CACNA2D3: variants seen among roughly 807,000 people sequenced by gnomAD.
The protein encoded by CACNA2D3 is calcium voltage-gated channel auxiliary subunit alpha2delta 3, also known as voltage-dependent calcium channel subunit alpha-2/delta-3.
Under a neutral mutation model 160.6 loss-of-function variants are expected in CACNA2D3, and 60 were observed. The ratio of observed to expected loss-of-function variants is 0.37; its 90% CI spans 0.30 to 0.46. The LOEUF (loss-of-function observed/expected upper bound fraction) is 0.46. Ranked by LOEUF, CACNA2D3 falls within the 20% of genes least tolerant of loss-of-function variation. The pLI is 1.00. For synonymous variants in CACNA2D3, 558 were observed against 492.9 expected (o/e 1.13, Z -1.75); for missense variants, 1,205 against 1,365.0 (o/e 0.88, Z 1.85).
intron 31 of CACNA2D3, among the ~76,000 whole-genome samples, chr3:54,992,780 GAAAA>G (rs5849065): frequency 7.3e-6 from 1 of 137,364 alleles, no homozygotes; most frequent in Non-Finnish European, 1.6e-5. Flanking sequence ...TGAACAACAA[GAAAA>G]AAAAAAAAAA....
intron 2 of CACNA2D3, among the ~76,000 whole-genome samples, chr3:54,259,365 C>T (rs920702186): frequency 7.2e-5 from 11 of 152,176 alleles, no homozygotes; most frequent in African/African-American, 2.7e-4. Context: ...ACAGCAGGTG[C>T]AGCTCTGATC....
intron 35 of CACNA2D3, among the ~76,000 whole-genome samples, chr3:55,042,644 C>T (rs575420591): frequency 7.9e-4 from 120 of 152,180 alleles, no homozygotes; most frequent in African/African-American, 2.8e-3. Flanking sequence ...TCAATTTACT[C>T]GTGATAAAAT....
At chr3:54,463,400 C>G (rs1476365460) in intron 4 of CACNA2D3, among the ~76,000 whole-genome samples, 2 of 152,240 alleles carry the variant, frequency 1.3e-5, no homozygotes, top group Non-Finnish European at 2.9e-5. Context: ...CTTCCCGTCA[C>G]TTTCAGGTAC....
chr3:54,905,529 A>G (rs1455391348), intron 27 of CACNA2D3, among the ~76,000 whole-genome samples: 1 of 152,156 alleles, frequency 6.6e-6, no homozygotes, highest in Non-Finnish European at 1.5e-5. Flanking sequence ...GCCTGGATAA[A>G]CCTCTAGTTT....
chr3:54,356,562 A>T (rs1414822908), intron 3 of CACNA2D3, among the ~76,000 whole-genome samples: 1 of 152,106 alleles, frequency 6.6e-6, no homozygotes, highest in Non-Finnish European at 1.5e-5. Flanking sequence ...TTTATAAATA[A>T]TGTGGGCTGG....
intron 2 of CACNA2D3, among the ~76,000 whole-genome samples, chr3:54,149,927 CT>C (rs1700112012): frequency 3.2e-4 from 21 of 66,362 alleles, no homozygotes; most frequent in African/African-American, 8.8e-4. Context: ...CTCTCTCTCT[CT>C]CTCCCTCCCT....
chr3:54,278,460 A>G (rs1395104564), intron 2 of CACNA2D3, among the ~76,000 whole-genome samples: 1 of 152,170 alleles, frequency 6.6e-6, no homozygotes, highest in Non-Finnish European at 1.5e-5. Flanking sequence ...CAGAAATACC[A>G]TTTGACCCAG....
chr3:54,635,498 A>G (rs966055484), intron 10 of CACNA2D3, among the ~76,000 whole-genome samples: 57 of 152,090 alleles, frequency 3.7e-4, no homozygotes, highest in African/African-American at 1.1e-3. Context: ...AGGGATGACA[A>G]GTTTTTTTGG....
chr3:54,508,251 G>A (rs1287564609), intron 5 of CACNA2D3, among the ~76,000 whole-genome samples: 1 of 152,228 alleles, frequency 6.6e-6, no homozygotes, highest in African/African-American at 2.4e-5. Context: ...TGAACATGAT[G>A]GTGACAGGTG....
chr3:54,151,562 C>G (rs1700152633), intron 2 of CACNA2D3, among the ~76,000 whole-genome samples: 1 of 152,144 alleles, frequency 6.6e-6, no homozygotes, highest in Non-Finnish European at 1.5e-5. Flanking sequence ...GTCCATATAT[C>G]TACTTGCTTT....
chr3:54,811,394 C>G (rs1345111662), intron 13 of CACNA2D3, among the ~76,000 whole-genome samples: 1 of 150,318 alleles, frequency 6.7e-6, no homozygotes, highest in East Asian at 2.0e-4. Context: ...CGATTCTCAA[C>G]TCTACCTGGG....
chr3:54,215,662 C>T (rs11130400), intron 2 of CACNA2D3, among the ~76,000 whole-genome samples: 7,538 of 152,174 alleles, frequency 0.05, 301 homozygotes, highest in East Asian at 0.21. Flanking sequence ...TACTTTTTAA[C>T]CTGTTACTCA....
At chr3:54,761,369 C>G (rs890456230) in intron 12 of CACNA2D3, among the ~76,000 whole-genome samples, 3 of 152,210 alleles carry the variant, frequency 2.0e-5, no homozygotes, top group African/African-American at 7.2e-5. Context: ...AGCTTGTCCT[C>G]TGTGTCAAGA....
In CACNA2D3 at chr3:54,667,787, A is replaced by T. The variant is rs968193914; in HGVS notation, c.1167+25546A>T. Among the ~76,000 whole-genome samples the T allele has an allele frequency of 2.6e-5, 4 of 151,836 alleles. No individual in the cohort carries two copies. In the South Asian group the frequency reaches 8.3e-4, roughly 32 times the overall value. On this transcript the variant is annotated intron_variant, in intron 11 of 37. Transcript: ENST00000474759. ...TAGGGAGACCCAGTCCCTAAAAATA[A>T]TTTTTTTTAAAAAGCCAGGCATGGT...
At chr3:54,553,113 C>G (rs1455980838) in intron 5 of CACNA2D3, among the ~76,000 whole-genome samples, 1 of 152,150 alleles carries the variant, frequency 6.6e-6, no homozygotes. Flanking sequence ...ATGGCTCCAG[C>G]TTTGTGAAAA....
chr3:54,535,469 A>G (rs1033696556), intron 5 of CACNA2D3, among the ~76,000 whole-genome samples: 17 of 152,154 alleles, frequency 1.1e-4, no homozygotes, highest in African/African-American at 2.4e-5. Context: ...TAAGTTTTTC[A>G]TTATAACAAT....
At chr3:54,411,626 C>T (rs1165507113) in intron 4 of CACNA2D3, among the ~76,000 whole-genome samples, 3 of 152,130 alleles carry the variant, frequency 2.0e-5, no homozygotes, top group African/African-American at 4.8e-5. Context: ...ATAGTATAAA[C>T]GTAACTTTTA....
At chr3:54,182,284 G>A (rs1047208581) in intron 2 of CACNA2D3, among the ~76,000 whole-genome samples, 1 of 152,016 alleles carries the variant, frequency 6.6e-6, no homozygotes, top group East Asian at 1.9e-4. Context: ...TTGCTTGATT[G>A]GTATTTTTAT....
intron 9 of CACNA2D3, among the ~76,000 whole-genome samples, chr3:54,583,665 G>A (rs1702715030): frequency 6.6e-6 from 1 of 152,122 alleles, no homozygotes; most frequent in African/African-American, 2.4e-5. Context: ...TATGACTGTT[G>A]AGCATTATAT....
Sources: gnomAD v4.1 joint callset for allele counts (sites outside exome capture counted in the v4.1 genomes callset) on GRCh38, gnomAD v4.1.1 for gene constraint, MANE v1.5 for transcripts, NCBI Gene and HGNC (gene_info 2026-07-23, HGNC 2026-07-21) for gene names.